TXK: variants seen among roughly 807,000 people sequenced by gnomAD.
TXK encodes the protein tyrosine-protein kinase TXK.
A neutral mutation model predicts 81.0 loss-of-function variants in TXK; 60 were observed. That is an observed-to-expected ratio of 0.74 (90% CI 0.60 to 0.92). TXK has a LOEUF of 0.92. TXK is among the 40% of genes least tolerant of loss of function. The pLI, the probability that TXK is intolerant of heterozygous loss-of-function variation, is 0.00. For missense variants in TXK, 581 were observed against 638.3 expected, an observed-to-expected ratio of 0.91 and a Z score of 0.97; for synonymous variants, 203 against 210.7, an observed-to-expected ratio of 0.96 and a Z score of 0.32.
intron 6 of TXK, among the ~76,000 whole-genome samples, chr4:48,102,636 T>C (rs1718241415): frequency 6.6e-6 from 1 of 152,210 alleles, no homozygotes; most frequent in African/African-American, 2.4e-5. Context: ...CATCTCGCCC[T>C]TGTGTACAAG....
Position 48,067,598 on chromosome 4 carries a change from T to C in TXK, c.*39A>G, listed in dbSNP as rs1423642620. On this transcript the variant is annotated 3_prime_UTR_variant, in exon 15 of 15. Coordinates refer to ENST00000264316, the MANE Select transcript of TXK (RefSeq NM_003328.3). ...GAAGATATTCACAATAAATGACAGT[T>C]TTGCAAGATGACTCTTTGGGTTGGC... 6.2e-7 allele frequency: 1 copy of C among 1,601,134 alleles called. No homozygotes were observed. Among genetic ancestry groups the C allele is most frequent in the Admixed American group, 1.7e-5 (1 of 59,956 alleles).
chr4:48,085,364 A>C (rs990172188), intron 10 of TXK, among the ~76,000 whole-genome samples: 1 of 152,158 alleles, frequency 6.6e-6, no homozygotes, highest in African/African-American at 2.4e-5. Context: ...TGAGTAGTGT[A>C]TCACTACTAA....
chr4:48,086,397 C>T, intron 10 of TXK, 69 bp downstream of exon 10: 1 of 1,540,716 alleles, frequency 6.5e-7, no homozygotes, highest in Middle Eastern at 1.7e-4. Flanking sequence ...TGGCTGCCTC[C>T]AAAGCTCATG....
intron 5 of TXK, 124 bp downstream of exon 5, chr4:48,110,414 T>C (rs1718596506): frequency 3.0e-6 from 2 of 671,440 alleles, no homozygotes; most frequent in South Asian, 1.7e-5. Context: ...CAAACGTCTC[T>C]TTATTATTAA....
chr4:48,088,668 AT>A lies in TXK; in HGVS notation c.784+1081del, dbSNP rs796461319. 5.3e-5 allele frequency among the ~76,000 whole-genome samples: 8 copies of A among 152,330 alleles called. No homozygotes were observed. In the South Asian group the frequency reaches 6.2e-4, roughly 12 times the overall value. On this transcript the variant is annotated intron_variant, in intron 9 of 14. Transcript: ENST00000264316. The stretch of plus-strand genomic sequence containing the variant: ...TGTACACTATTCTATTTGTTTTTAA[AT>A]TTTTTAAGTTTATTTTTAAGAAATT...
Position 48,113,212 on chromosome 4 carries a change from T to C in TXK, c.169A>G (p.Lys57Glu), listed in dbSNP as rs750959765. The change falls in exon 3 of 15, where the codon AAG (lysine) becomes GAG (glutamate). Residue 57 changes from lysine to glutamate, a missense_variant. By Grantham distance (56) the Lys-to-Glu change is moderately conservative. Transcript: ENST00000264316. The part of the protein sequence containing the change: ...RPWLSQLSNK[K>E]QSNTGRVQPS... ...CCTGTCAAAATGATACTTACTTGCTTCTTATTTGACAATTGGCTGAGCCAC... is the reference window on the plus strand; with the variant it reads ...CCTGTCAAAATGATACTTACTTGCTCCTTATTTGACAATTGGCTGAGCCAC... 6.2e-7 allele frequency: 1 copy of C among 1,611,840 alleles called. No individual in the cohort carries two copies. Among genetic ancestry groups the C allele is most frequent in the Admixed American group, 1.7e-5 (1 of 59,908 alleles).
In TXK at chr4:48,067,623, C is replaced by T. The variant is rs1257643997; in HGVS notation, c.*14G>A. On this transcript the variant is annotated 3_prime_UTR_variant, in exon 15 of 15. Transcript: ENST00000264316. ...TTTGCAAGATGACTCTTTGGGTTGGCATTCTGTTTCCGGTCACCAGGTTTC... is the reference window on the plus strand; with the variant it reads ...TTTGCAAGATGACTCTTTGGGTTGGTATTCTGTTTCCGGTCACCAGGTTTC... 3 of 1,613,594 alleles carry T rather than the reference C, an allele frequency of 1.9e-6. No homozygotes were observed. Among genetic ancestry groups the T allele is most frequent in the African/African-American group, 1.3e-5 (1 of 74,898 alleles).
chr4:48,111,646 T>C (rs1718636754), intron 4 of TXK, among the ~76,000 whole-genome samples: 2 of 152,192 alleles, frequency 1.3e-5, no homozygotes, highest in Admixed American at 1.3e-4. Context: ...AAAATGTAGT[T>C]GGAGAGGTAT....
rs532273468 is a variant in TXK at position 48,079,319 on chromosome 4, C to A, written c.1173+593G>T. 2.6e-5 allele frequency among the ~76,000 whole-genome samples: 4 copies of A among 152,312 alleles called. No individual in the cohort carries two copies. The South Asian group carries it at 8.3e-4, about 32-fold the overall frequency. On this transcript the variant is annotated intron_variant, in intron 11 of 14. Transcript: ENST00000264316. Reference sequence around the variant, plus strand: ...GGTTTAGGAGTCAGACAGCTGGAGGCTACAAGATTCTGATTCTCCTTAAAC... The same window carrying A: ...GGTTTAGGAGTCAGACAGCTGGAGGATACAAGATTCTGATTCTCCTTAAAC...
rs147259901 is a variant in TXK, at chr4:48,112,525, A to G, written c.175-13T>C. On this transcript the variant is annotated splice_polypyrimidine_tract_variant and intron_variant, in intron 3 of 14. Transcript: ENST00000264316. ...GGCCCGTGTTGGACTGTGAAAACCAATAAGTGAGTTGTTTTACTATCATTT... is the reference window on the plus strand; with the variant it reads ...GGCCCGTGTTGGACTGTGAAAACCAGTAAGTGAGTTGTTTTACTATCATTT... The G allele has an allele frequency of 2.4e-4, 387 of 1,590,636 alleles. 2 individuals carry two copies. The East Asian group carries it at 7.6e-3, about 31-fold the overall frequency.
intron 5 of TXK, among the ~76,000 whole-genome samples, chr4:48,108,019 C>A (rs1029914489): frequency 1.3e-5 from 2 of 151,890 alleles, no homozygotes; most frequent in East Asian, 1.9e-4. Flanking sequence ...TGCAGTGAGC[C>A]GAGATCACGA....
chr4:48,109,589 G>C (rs1718570689), intron 5 of TXK, among the ~76,000 whole-genome samples: 1 of 152,154 alleles, frequency 6.6e-6, no homozygotes, highest in Non-Finnish European at 1.5e-5. Flanking sequence ...AGAGAGAACA[G>C]AAATAGCTAC....
At chr4:48,111,585 G>GA (rs1577676056) in intron 4 of TXK, among the ~76,000 whole-genome samples, 1 of 152,192 alleles carries the variant, frequency 6.6e-6, no homozygotes, top group Admixed American at 6.5e-5. Flanking sequence ...TTTTTCCACT[G>GA]AAAAGTCTCC....
chr4:48,081,267 G>A (rs1365756074), intron 10 of TXK, among the ~76,000 whole-genome samples: 3 of 152,030 alleles, frequency 2.0e-5, no homozygotes, highest in African/African-American at 4.8e-5. Flanking sequence ...ATACCCACAT[G>A]GAAGCATTTG....
At chr4:48,089,211 T>C (rs962907048) in intron 9 of TXK, among the ~76,000 whole-genome samples, 1 of 152,174 alleles carries the variant, frequency 6.6e-6, no homozygotes, top group African/African-American at 2.4e-5. Flanking sequence ...CCTGGTAATG[T>C]AACAGTGAAA....
At position 48,071,565 on chromosome 4, in the gene TXK, G is replaced by GT; in HGVS notation, c.1466dup (p.His489GlnfsTer9). The GT allele has an allele frequency of 6.2e-7, 1 of 1,614,180 alleles. No homozygotes were observed. The highest frequency in any genetic ancestry group is 1.1e-5 in the South Asian group (1 of 91,078). ...CTTCATATATGGACATTGGTGCCAGGTGAGGGCGATATAGCCTGAAGCCTT... is the reference window on the plus strand; with the variant it reads ...CTTCATATATGGACATTGGTGCCAGGTTGAGGGCGATATAGCCTGAAGCCTT... On this transcript the variant is annotated frameshift_variant, in exon 14 of 15. Coordinates refer to ENST00000264316, the MANE Select transcript of TXK (RefSeq NM_003328.3). LOFTEE classifies it high-confidence loss of function.
chr4:48,124,885 T>C (rs1409806646), intron 1 of TXK, among the ~76,000 whole-genome samples: 4 of 152,246 alleles, frequency 2.6e-5, no homozygotes, highest in African/African-American at 4.8e-5. Context: ...CAGGCTTTAG[T>C]ATCAGGCAGA....
Position 48,066,639 on chromosome 4 carries a change from T to A in TXK, c.*998A>T, listed in dbSNP as rs542541045. On this transcript the variant is annotated 3_prime_UTR_variant, in exon 15 of 15. Transcript: ENST00000264316. ...CTTTCTCCAGTATCTTTCTTCCTATTGTACTCCTGAAGCACTCAGAATGAT... is the reference window on the plus strand; with the variant it reads ...CTTTCTCCAGTATCTTTCTTCCTATAGTACTCCTGAAGCACTCAGAATGAT... The A allele has an allele frequency of 6.6e-6, 1 of 152,192 alleles. No homozygotes were observed. Among genetic ancestry groups the A allele is most frequent in the South Asian group, 2.1e-4 (1 of 4,832 alleles). 9.4% of individuals were successfully genotyped at this position (152,192 alleles called of 1,614,324 possible). A position where few individuals can be genotyped will look rare whatever the true frequency, so the allele number is the denominator to read the frequency against.
chr4:48,086,690 T>C (rs2109420332), intron 9 of TXK, 53 bp from the exon 10 acceptor site: 2 of 1,528,760 alleles, frequency 1.3e-6, no homozygotes, highest in Non-Finnish European at 1.8e-6. Context: ...TGTTAAAATA[T>C]TAGGGCTGGA....
Sources: allele counts gnomAD v4.1 joint callset (sites outside exome capture counted in the v4.1 genomes callset), GRCh38; gene constraint gnomAD v4.1.1; transcripts MANE v1.5; gene names NCBI Gene and HGNC (gene_info 2026-07-23, HGNC 2026-07-21).